TTLL4: variants seen among roughly 807,000 people sequenced by gnomAD.
TTLL4 encodes tubulin monoglutamylase TTLL4.
Under a neutral mutation model 122.7 loss-of-function variants are expected in TTLL4, and 85 were observed. The observed-to-expected ratio is 0.69, with a 90% confidence interval of 0.58 to 0.83. The LOEUF (loss-of-function observed/expected upper bound fraction) is 0.83, where lower values mean the gene tolerates loss of function less well. Ranked by LOEUF, TTLL4 falls within the 40% of genes least tolerant of loss-of-function variation. The pLI is 0.00. For synonymous variants in TTLL4, 553 were observed against 563.0 expected, an observed-to-expected ratio of 0.98 and a Z score of 0.25; for missense variants, 1,363 against 1,488.6, an observed-to-expected ratio of 0.92 and a Z score of 1.39.
intron 1 of TTLL4, among the ~76,000 whole-genome samples, chr2:218,714,971 A>G (rs925962450): frequency 6.6e-6 from 1 of 152,324 alleles, no homozygotes; most frequent in Non-Finnish European, 1.5e-5. Context: ...ACTAACATGA[A>G]TAACATTTTT....
At chr2:218,753,984 A>AT (rs1258807293) in intron 19 of TTLL4, 150 bp from the exon 20 acceptor site, 26 of 1,228,114 alleles carry the variant, frequency 2.1e-5, no homozygotes, top group Middle Eastern at 2.2e-4. Context: ...AGTAAATAGA[A>AT]TTTTTTTTAT....
At chr2:218,739,454 C>T (rs1942638484) in intron 3 of TTLL4, among the ~76,000 whole-genome samples, 1 of 152,148 alleles carries the variant, frequency 6.6e-6, no homozygotes, top group Non-Finnish European at 1.5e-5. Flanking sequence ...TGTGATAAAC[C>T]GACTGGCCTG....
chr2:218,745,926 C>A, intron 7 of TTLL4, 125 bp downstream of exon 7: 2 of 933,376 alleles, frequency 2.1e-6, no homozygotes, highest in Non-Finnish European at 3.4e-6. Flanking sequence ...TGAAATCCAA[C>A]CTCATAGGAG....
chr2:218,724,188 T>G (rs181083865), intron 1 of TTLL4, among the ~76,000 whole-genome samples: 1 of 152,310 alleles, frequency 6.6e-6, no homozygotes, highest in East Asian at 1.9e-4. Context: ...CAGGAATTCT[T>G]TGTACTATTT....
intron 18 of TTLL4, 95 bp from the exon 19 acceptor site, chr2:218,753,489 C>A: frequency 1.6e-6 from 2 of 1,223,262 alleles, no homozygotes; most frequent in Non-Finnish European, 2.4e-6. Flanking sequence ...ACCCCATGAT[C>A]CATTTAGAGG....
In TTLL4 at chr2:218,746,980, ACTCACC is replaced by A. The variant is rs772584750; in HGVS notation, c.1975-20_1975-15del. ...GGCCTCACCTCTGCCCTCTTCCTGC[ACTCACC>A]CTTTTCCCTTTTGTAGCTAAACCAT... On this transcript the variant is annotated splice_polypyrimidine_tract_variant and intron_variant, in intron 8 of 19. Transcript: ENST00000392102. 1.4e-4 allele frequency: 226 copies of A among 1,611,100 alleles called. 1 individual carries two copies. The highest frequency in any genetic ancestry group is 1.9e-4 in the Non-Finnish European group (223 of 1,178,258).
At chr2:218,724,102 TGA>T (rs1942119618) in intron 1 of TTLL4, among the ~76,000 whole-genome samples, 1 of 152,142 alleles carries the variant, frequency 6.6e-6, no homozygotes, top group African/African-American at 2.4e-5. Context: ...GAGATATATG[TGA>T]GAGAGAATAT....
intron 2 of TTLL4, among the ~76,000 whole-genome samples, chr2:218,728,946 G>T (rs1158623019): frequency 4.1e-4 from 16 of 38,670 alleles, no homozygotes; most frequent in South Asian, 1.0e-3. Flanking sequence ...TTTTTTGGCG[G>T]GGGGGGGCAT....
rs2106468536 is a variant in TTLL4, at chr2:218,754,962, C to T, written c.*573C>T. 1.3e-5 allele frequency: 2 copies of T among 155,204 alleles called. No individual in the cohort carries two copies. Among genetic ancestry groups the T allele is most frequent in the South Asian group, 2.0e-4 (1 of 5,034 alleles). The allele number at this position is 155,204 out of a possible 1,614,324, so 9.6% of individuals were successfully genotyped here. A position where few individuals can be genotyped will look rare whatever the true frequency, so the allele number is the denominator to read the frequency against. ...CATCCTAGTCTTGGGTCTTCACCGC[C>T]TCCTTCCAAATACCCACCCTGCCAG... is the stretch of plus-strand genomic sequence containing the variant. On this transcript the variant is annotated 3_prime_UTR_variant, in exon 20 of 20. Transcript: ENST00000392102.
intron 2 of TTLL4, among the ~76,000 whole-genome samples, chr2:218,732,711 A>G (rs1942414390): frequency 6.6e-6 from 1 of 152,178 alleles, no homozygotes; most frequent in African/African-American, 2.4e-5. Flanking sequence ...CCTGTAGGGC[A>G]GTGGGCAGGA....
At chr2:218,718,735 T>C (rs1017602234) in intron 1 of TTLL4, among the ~76,000 whole-genome samples, 2 of 152,186 alleles carry the variant, frequency 1.3e-5, no homozygotes. Flanking sequence ...AGGAGGAAAC[T>C]TGAGGCAAAA....
chr2:218,745,540 G>A (rs943696271), intron 6 of TTLL4, 151 bp from the exon 7 acceptor site: 1 of 659,994 alleles, frequency 1.5e-6, no homozygotes, highest in Non-Finnish European at 2.7e-6. Flanking sequence ...CTTTCCCAAA[G>A]TGTGCTCCTC....
chr2:218,740,232 C>T, intron 4 of TTLL4, 65 bp downstream of exon 4: 1 of 1,461,860 alleles, frequency 6.8e-7, no homozygotes. Context: ...AGGGGGCTGA[C>T]AATTGTGTAC....
chr2:218,747,271 A>T lies in TTLL4; in HGVS notation c.2167-19A>T. On this transcript the variant is annotated intron_variant, in intron 9 of 19. Coordinates refer to ENST00000392102, the MANE Select transcript of TTLL4 (RefSeq NM_014640.5). The surrounding 1 kb of genome is among the most constrained non-coding windows in gnomAD (Gnocchi z 4.7). Reference sequence around the variant, plus strand: ...GAGTATTGGACCTGGAGCAAATCTCATCTCCTTTCTGCTCCTAGCCAGCAT... The same window carrying T: ...GAGTATTGGACCTGGAGCAAATCTCTTCTCCTTTCTGCTCCTAGCCAGCAT... 1 of 1,607,792 alleles carries T rather than the reference A, an allele frequency of 6.2e-7. No homozygotes were observed. Among genetic ancestry groups the T allele is most frequent in the Non-Finnish European group, 8.5e-7 (1 of 1,174,470 alleles).
Position 218,747,983 on chromosome 2 carries a change from T to C in TTLL4, c.2379-122T>C. The C allele has an allele frequency of 7.3e-7, 1 of 1,372,364 alleles. No homozygotes were observed. The highest frequency in any genetic ancestry group is 1.0e-6 in the Non-Finnish European group (1 of 988,920). The allele number at this position is 1,372,364 out of a possible 1,614,324, so 85.0% of individuals were successfully genotyped here. On this transcript the variant is annotated intron_variant, in intron 11 of 19. Transcript: ENST00000392102. The surrounding 1 kb of genome is among the most constrained non-coding windows in gnomAD (Gnocchi z 4.7). Reference sequence around the variant, plus strand: ...CCAGTAGACACACTTCTCAGGCTCTTGTGGCTATGAAAAGATCTGTGTACT... The same window carrying C: ...CCAGTAGACACACTTCTCAGGCTCTCGTGGCTATGAAAAGATCTGTGTACT...
intron 1 of TTLL4, among the ~76,000 whole-genome samples, chr2:218,711,379 G>A (rs1941699258): frequency 6.6e-6 from 1 of 152,186 alleles, no homozygotes; most frequent in Non-Finnish European, 1.5e-5. Context: ...ATTCCCTCTG[G>A]GTGTGAGCCC....
chr2:218,745,082 C>G, intron 5 of TTLL4, 27 bp from the exon 6 acceptor site: 1 of 1,612,746 alleles, frequency 6.2e-7, no homozygotes, highest in Non-Finnish European at 8.5e-7. Flanking sequence ...TTCCCTTTCT[C>G]TACTCCATGT....
At chr2:218,749,092 C>G (rs1409250325) in intron 13 of TTLL4, among the ~76,000 whole-genome samples, 158 bp downstream of exon 13, 1 of 152,172 alleles carries the variant, frequency 6.6e-6, no homozygotes, top group Non-Finnish European at 1.5e-5. Flanking sequence ...TAATGAACCT[C>G]ATCCCCAGGA....
chr2:218,752,716 G>A, intron 16 of TTLL4, 47 bp from the exon 17 acceptor site: 1 of 1,605,672 alleles, frequency 6.2e-7, no homozygotes, highest in Non-Finnish European at 8.5e-7. Context: ...TCTGCCCCTG[G>A]CTTACACTCT....
Sources: allele counts gnomAD v4.1 joint callset (sites outside exome capture counted in the v4.1 genomes callset), GRCh38; gene constraint gnomAD v4.1.1; non-coding constraint Gnocchi (gnomAD v3.1); transcripts MANE v1.5; gene names NCBI Gene and HGNC (gene_info 2026-07-23, HGNC 2026-07-21).